PGCKA1: variants seen among roughly 807,000 people sequenced by gnomAD.
PGCKA1 encodes PDCD10 and GCKIII kinases associated 1.
At chr4:37,511,092 C>T in the PGCKA1 span, among the ~76,000 whole-genome samples, 1 of 151,950 alleles carries the variant, frequency 6.6e-6, no homozygotes, top group Non-Finnish European at 1.5e-5. Flanking sequence ...TGGGACTCAC[C>T]CTTCAGGGCA....
At chr4:37,523,387 C>CTT in the PGCKA1 span, among the ~76,000 whole-genome samples, 11 of 145,952 alleles carry the variant, frequency 7.5e-5, no homozygotes, top group African/African-American at 2.5e-4. Context: ...TGATTCAGGA[C>CTT]TTTTTTTTTT....
At chr4:37,586,104 A>G in the PGCKA1 span, among the ~76,000 whole-genome samples, 4 of 151,850 alleles carry the variant, frequency 2.6e-5, no homozygotes, top group Non-Finnish European at 5.9e-5. Flanking sequence ...GTCTATGTTT[A>G]TTATGAATGT....
At chr4:37,487,341 T>G in the PGCKA1 span, among the ~76,000 whole-genome samples, 1 of 152,222 alleles carries the variant, frequency 6.6e-6, no homozygotes, top group African/African-American at 2.4e-5. Context: ...TGATCACATA[T>G]GTAACCATCT....
At chr4:37,564,284 A>G in the PGCKA1 span, among the ~76,000 whole-genome samples, 6 of 140,870 alleles carry the variant, frequency 4.3e-5, no homozygotes, top group South Asian at 5.1e-4. Context: ...CAAAAAAAAA[A>G]AAAAAAGAAA....
the PGCKA1 span, among the ~76,000 whole-genome samples, chr4:37,586,253 A>G: frequency 6.6e-6 from 1 of 152,154 alleles, no homozygotes; most frequent in African/African-American, 2.4e-5. Context: ...CCTGGGCGAC[A>G]CGGCTGGCAC....
chr4:37,584,041 A>G, the PGCKA1 span, among the ~76,000 whole-genome samples: 1 of 152,216 alleles, frequency 6.6e-6, no homozygotes, highest in Non-Finnish European at 1.5e-5. Context: ...CTAGACCCGG[A>G]GCATTTCCTT....
chr4:37,516,977 C>A, the PGCKA1 span, among the ~76,000 whole-genome samples: 1 of 152,080 alleles, frequency 6.6e-6, no homozygotes, highest in African/African-American at 2.4e-5. Flanking sequence ...ATACAGTAGG[C>A]CAGGCGCTGT....
At chr4:37,499,917 A>AT in the PGCKA1 span, among the ~76,000 whole-genome samples, 1 of 71,554 alleles carries the variant, frequency 1.4e-5, no homozygotes, top group Non-Finnish European at 2.7e-5. Flanking sequence ...GGTCTTCCTA[A>AT]CTTTTTTTTT....
chr4:37,572,208 G>A, the PGCKA1 span, among the ~76,000 whole-genome samples: 1 of 149,792 alleles, frequency 6.7e-6, no homozygotes, highest in Non-Finnish European at 1.5e-5. Flanking sequence ...GACTACAGGC[G>A]CCCGCCACTA....
chr4:37,517,503 A>G, the PGCKA1 span, among the ~76,000 whole-genome samples: 1 of 152,166 alleles, frequency 6.6e-6, no homozygotes, highest in Non-Finnish European at 1.5e-5. Context: ...TTGTGTAATG[A>G]ATTAGTCACT....
the PGCKA1 span, among the ~76,000 whole-genome samples, chr4:37,523,118 G>A: frequency 6.6e-6 from 1 of 152,120 alleles, no homozygotes; most frequent in Non-Finnish European, 1.5e-5. Context: ...GAGCACTTTG[G>A]CCCTCAGTGG....
the PGCKA1 span, among the ~76,000 whole-genome samples, chr4:37,482,076 C>A: frequency 6.6e-6 from 1 of 152,154 alleles, no homozygotes; most frequent in Non-Finnish European, 1.5e-5. Context: ...AAATCTCTTT[C>A]TCTTTGTAAA....
the PGCKA1 span, among the ~76,000 whole-genome samples, chr4:37,456,792 G>A: frequency 6.6e-6 from 1 of 152,212 alleles, no homozygotes; most frequent in African/African-American, 2.4e-5. Context: ...AGTTCATGCA[G>A]GCTGCAATGA....
chr4:37,482,938 T>G, the PGCKA1 span, among the ~76,000 whole-genome samples: 1 of 152,120 alleles, frequency 6.6e-6, no homozygotes, highest in Non-Finnish European at 1.5e-5. Context: ...TGTTTTGAAA[T>G]GTGAGGACAT....
chr4:37,480,260 A>C, the PGCKA1 span, among the ~76,000 whole-genome samples: 1 of 152,238 alleles, frequency 6.6e-6, no homozygotes, highest in South Asian at 2.1e-4. Context: ...TGGGAGGCCA[A>C]GGCGGGTGGA....
At chr4:37,489,081 A>C in the PGCKA1 span, among the ~76,000 whole-genome samples, 1 of 152,180 alleles carries the variant, frequency 6.6e-6, no homozygotes, top group African/African-American at 2.4e-5. Context: ...GTCCTGGAAG[A>C]TTGCCGGGGC....
chr4:37,465,270 A>G, the PGCKA1 span, among the ~76,000 whole-genome samples: 1 of 152,040 alleles, frequency 6.6e-6, no homozygotes, highest in East Asian at 1.9e-4. Flanking sequence ...AATAAAACCT[A>G]AATACCCTTT....
chr4:37,513,003 G>A, the PGCKA1 span, among the ~76,000 whole-genome samples: 4 of 151,610 alleles, frequency 2.6e-5, no homozygotes, highest in South Asian at 2.1e-4. Flanking sequence ...TAGGAGAATC[G>A]CTTGAACCTG....
chr4:37,580,838 C>T, the PGCKA1 span, among the ~76,000 whole-genome samples: 1 of 152,212 alleles, frequency 6.6e-6, no homozygotes, highest in Admixed American at 6.5e-5. Context: ...TCCTTCCCTT[C>T]AGGGTGACAA....
Sources: gnomAD v4.1 joint callset for allele counts (sites outside exome capture counted in the v4.1 genomes callset) on GRCh38, gnomAD v4.1.1 for gene constraint, MANE v1.5 for transcripts, NCBI Gene and HGNC (gene_info 2026-07-23, HGNC 2026-07-21) for gene names.